The following MTFMT variants were observed in gnomAD, a reference collection of about 807,000 sequenced individuals.
The protein encoded by MTFMT is mitochondrial methionyl-tRNA formyltransferase, also known as methionyl-tRNA formyltransferase, mitochondrial.
Under a neutral mutation model 51.8 loss-of-function variants are expected in MTFMT, and 47 were observed. The ratio of observed to expected loss-of-function variants is 0.91; its 90% confidence interval spans 0.72 to 1.16. The LOEUF is 1.16. MTFMT is among the 50% of genes most tolerant of loss of function. MTFMT has a pLI of 0.00. For synonymous variants in MTFMT, 196 were observed against 176.7 expected (o/e 1.11, Z -0.87); for missense variants, 512 against 482.3 (o/e 1.06, Z -0.58).
chr15:65,022,710 T>TC (rs1257097706), intron 3 of MTFMT, among the ~76,000 whole-genome samples: 1 of 151,034 alleles, frequency 6.6e-6, no homozygotes, highest in African/African-American at 2.4e-5. Context: ...TTCAGATTTT[T>TC]TTTTTTTTTT....
intron 1 of MTFMT, among the ~76,000 whole-genome samples, chr15:65,027,997 A>G (rs771377267): frequency 3.9e-5 from 6 of 152,208 alleles, no homozygotes; most frequent in African/African-American, 7.2e-5. Context: ...ATAGCATTCT[A>G]GTACCCAGGG....
intron 8 of MTFMT, among the ~76,000 whole-genome samples, chr15:65,004,592 T>C (rs1301755875): frequency 2.0e-5 from 3 of 152,198 alleles, no homozygotes. Context: ...TAAATTGGGC[T>C]ACTGAAAATA....
At chr15:65,025,267 T>C (rs552653203) in intron 2 of MTFMT, among the ~76,000 whole-genome samples, 70 of 146,426 alleles carry the variant, frequency 4.8e-4, no homozygotes, top group African/African-American at 1.7e-3. Flanking sequence ...TAGCTGGGTG[T>C]GTTGGCACAT....
intron 1 of MTFMT, among the ~76,000 whole-genome samples, chr15:65,028,663 C>A (rs1190496484): frequency 6.6e-6 from 1 of 151,540 alleles, no homozygotes; most frequent in African/African-American, 2.4e-5. Flanking sequence ...AGGAGGACTG[C>A]GTCAGAAAAA....
In MTFMT at chr15:65,001,882, A is replaced by T. The variant is rs2086179156; in HGVS notation, c.*1180T>A. On this transcript the variant is annotated 3_prime_UTR_variant, in exon 9 of 9. Coordinates refer to ENST00000220058, the MANE Select transcript of MTFMT (RefSeq NM_139242.4). ...CCATCTCTAAAAAAATTAATAAAAA[A>T]AAATAAAATCTGGATGTAAAATGTT... The T allele has an allele frequency of 2.6e-5, 4 of 152,150 alleles. No homozygotes were observed. The highest frequency in any genetic ancestry group is 2.6e-4 in the Admixed American group (4 of 15,266). The allele number at this position is 152,150 out of a possible 1,614,324, so 9.4% of individuals were successfully genotyped here.
chr15:65,023,615 G>C, intron 3 of MTFMT, 57 bp downstream of exon 3: 1 of 1,580,246 alleles, frequency 6.3e-7, no homozygotes, highest in Non-Finnish European at 8.7e-7. Context: ...CCCCCAAACA[G>C]GCTGACATCA....
At chr15:65,006,041 G>T in intron 7 of MTFMT, 72 bp downstream of exon 7, 1 of 1,058,770 alleles carries the variant, frequency 9.4e-7, no homozygotes, top group Non-Finnish European at 1.4e-6. Context: ...TGTGACATAT[G>T]ATAAAACAGA....
chr15:65,014,578 G>A (rs370878208), intron 6 of MTFMT, among the ~76,000 whole-genome samples: 13 of 148,964 alleles, frequency 8.7e-5, no homozygotes, highest in African/African-American at 2.7e-4. Context: ...CGCCCGCCTC[G>A]GCCTCCCAAA....
At chr15:65,023,896 A>G in intron 2 of MTFMT, 102 bp from the exon 3 acceptor site, 1 of 1,123,570 alleles carries the variant, frequency 8.9e-7, no homozygotes, top group South Asian at 2.2e-5. Flanking sequence ...CTTTCCCAGA[A>G]ATTTGGAAAA....
At chr15:65,003,452 C>A (rs139687441) in intron 8 of MTFMT, among the ~76,000 whole-genome samples, 196 bp from the exon 9 acceptor site, 1 of 152,056 alleles carries the variant, frequency 6.6e-6, no homozygotes, top group Non-Finnish European at 1.5e-5. Context: ...AAAGTCATTG[C>A]GGTTTTTGAC....
intron 6 of MTFMT, among the ~76,000 whole-genome samples, chr15:65,009,450 C>A (rs2140476320): frequency 6.6e-6 from 1 of 152,266 alleles, no homozygotes; most frequent in African/African-American, 2.4e-5. Flanking sequence ...AATGGTTCCA[C>A]TATTCACCCA....
chr15:65,021,477 A>C, intron 4 of MTFMT, 37 bp downstream of exon 4: 1 of 1,469,108 alleles, frequency 6.8e-7, no homozygotes, highest in East Asian at 2.3e-5. Context: ...AAACCCACTA[A>C]ATGAGTAAAA....
At chr15:65,003,838 T>TC (rs1392802537) in intron 8 of MTFMT, among the ~76,000 whole-genome samples, 14 of 29,980 alleles carry the variant, frequency 4.7e-4, no homozygotes, top group African/African-American at 1.1e-3. Flanking sequence ...CCTGGGCAAC[T>TC]CCATCTCAAA....
At chr15:65,026,739 A>G in intron 2 of MTFMT, 92 bp downstream of exon 2, 1 of 972,758 alleles carries the variant, frequency 1.0e-6, no homozygotes. Context: ...TATTACAGAA[A>G]GCATAGAGTT....
In MTFMT at chr15:65,002,832, G is replaced by A. The variant is rs776492692; in HGVS notation, c.*230C>T. 30 of 263,910 alleles carry A rather than the reference G, an allele frequency of 1.1e-4. No individual in the cohort carries two copies. Among genetic ancestry groups the A allele is most frequent in the African/African-American group, 2.7e-4 (12 of 44,502 alleles). 16.3% of individuals were successfully genotyped at this position (263,910 alleles called of 1,614,324 possible). On this transcript the variant is annotated 3_prime_UTR_variant, in exon 9 of 9. Coordinates refer to ENST00000220058, the MANE Select transcript of MTFMT (RefSeq NM_139242.4). ...ACAAAAATTAGCTGCGTGTGGTGGC[G>A]TGTGCCTGTAATCCCAGCTACTCAG...
chr15:65,021,547 C>T lies in MTFMT; in HGVS notation c.612G>A (p.Leu204=). The T allele has an allele frequency of 6.2e-7, 1 of 1,610,076 alleles. No homozygotes were observed. Among genetic ancestry groups the T allele is most frequent in the Non-Finnish European group, 8.5e-7 (1 of 1,176,878 alleles). The change falls in exon 4 of 9, where the codon TTG becomes TTA. Residue 204 remains leucine, a synonymous_variant. Coordinates refer to ENST00000220058, the MANE Select transcript of MTFMT (RefSeq NM_139242.4). The part of the protein sequence containing the change: ...PVPPKSTAKE[L]EAVLSRLGAN... ...CACCCAGTCTTGACAACACTGCTTCCAATTCCTTTGCAGTGCTCTTGGGTG... is the reference window on the plus strand; with the variant it reads ...CACCCAGTCTTGACAACACTGCTTCTAATTCCTTTGCAGTGCTCTTGGGTG...
At chr15:65,004,984 T>G (rs2086210078) in intron 7 of MTFMT, 48 bp from the exon 8 acceptor site, 1 of 1,305,958 alleles carries the variant, frequency 7.7e-7, no homozygotes, top group African/African-American at 1.5e-5. Flanking sequence ...AAAGCAATTA[T>G]GCAACTTCAT....
At chr15:65,010,785 G>C (rs1158390420) in intron 6 of MTFMT, among the ~76,000 whole-genome samples, 2 of 152,166 alleles carry the variant, frequency 1.3e-5, no homozygotes, top group African/African-American at 4.8e-5. Context: ...CTGCCAAACT[G>C]TTTTCCACAC....
chr15:65,023,778 G>A lies in MTFMT; in HGVS notation c.436C>T (p.His146Tyr). 6.2e-7 allele frequency: 1 copy of A among 1,612,014 alleles called. No individual in the cohort carries two copies. Among genetic ancestry groups the A allele is most frequent in the Non-Finnish European group, 8.5e-7 (1 of 1,178,900 alleles). ...LKFPYGILNV[H>Y]PSCLPRWRGP... The stretch of plus-strand genomic sequence containing the variant: ...CGCCATCTCGGGAGGCAACTGGGAT[G>A]AACATTCAATATGCCACTGAGTTAG... Residue 146 changes from histidine to tyrosine, a missense_variant, in exon 3 of 9, where the codon CAT (histidine) becomes TAT (tyrosine). Transcript: ENST00000220058.
Sources: gnomAD v4.1 joint callset for allele counts (sites outside exome capture counted in the v4.1 genomes callset) on GRCh38, gnomAD v4.1.1 for gene constraint, MANE v1.5 for transcripts, NCBI Gene and HGNC (gene_info 2026-07-23, HGNC 2026-07-21) for gene names.